GAREM1: variants seen among roughly 807,000 people sequenced by gnomAD.
GAREM1 encodes GRB2 associated regulator of MAPK1 subtype 1, also known as GRB2-associated and regulator of MAPK protein 1.
Under a neutral mutation model 71.3 loss-of-function variants are expected in GAREM1, and 26 were observed. That is an observed-to-expected ratio of 0.36 (90% CI 0.27 to 0.51). The LOEUF (loss-of-function observed/expected upper bound fraction) is 0.51. Among genes scored for constraint, GAREM1 ranks in the 20% least tolerant of loss-of-function variants. The probability of loss-of-function intolerance (pLI) is 0.95; values close to 1 mark genes in which losing one functional copy is unlikely to be tolerated. For missense variants in GAREM1, 1,026 were observed against 1,103.1 expected (o/e 0.93, Z 0.99); for synonymous variants, 440 against 433.2 (o/e 1.02, Z -0.20).
intron 2 of GAREM1, among the ~76,000 whole-genome samples, chr18:32,342,239 C>T (rs758248091): frequency 3.3e-5 from 5 of 152,044 alleles, no homozygotes; most frequent in African/African-American, 4.8e-5. Flanking sequence ...CTTGAGGTCT[C>T]GAAGCTAAAG....
intron 4 of GAREM1, among the ~76,000 whole-genome samples, chr18:32,276,223 T>TG (rs1240642489): frequency 5.3e-5 from 8 of 152,324 alleles, no homozygotes; most frequent in African/African-American, 1.4e-4. Context: ...AATCTAATAA[T>TG]GGGGGCTTAA....
chr18:32,382,071 TAGTTCTCAGGC>T (rs1173310293), intron 2 of GAREM1, among the ~76,000 whole-genome samples: 1 of 152,156 alleles, frequency 6.6e-6, no homozygotes, highest in Non-Finnish European at 1.5e-5. Flanking sequence ...GTTCTCCAGG[TAGTTCTCAGGC>T]ATCTTTGATG....
chr18:32,453,575 T>G (rs181000663), intron 1 of GAREM1, among the ~76,000 whole-genome samples: 239 of 152,250 alleles, frequency 1.6e-3, no homozygotes, highest in African/African-American at 5.2e-3. Flanking sequence ...ATCGTTACCC[T>G]GCCTCCTTTT....
At chr18:32,284,366 T>A (rs1398236893) in intron 4 of GAREM1, among the ~76,000 whole-genome samples, 1 of 151,600 alleles carries the variant, frequency 6.6e-6, no homozygotes, top group Non-Finnish European at 1.5e-5. Flanking sequence ...GGAGGCCAAA[T>A]TTTTTTTTCT....
At chr18:32,427,547 A>G (rs7243539) in intron 1 of GAREM1, among the ~76,000 whole-genome samples, 37,493 of 152,042 alleles carry the variant, frequency 0.25, 5,722 homozygotes, top group African/African-American at 0.42. Context: ...CACTATCAGA[A>G]GCATCGACAG....
chr18:32,349,666 C>T (rs1319792787), intron 2 of GAREM1, among the ~76,000 whole-genome samples: 1 of 152,102 alleles, frequency 6.6e-6, no homozygotes, highest in Admixed American at 6.5e-5. Context: ...AATAAAATTC[C>T]AATTTGTTAA....
chr18:32,341,658 T>G (rs897741984), intron 2 of GAREM1, among the ~76,000 whole-genome samples: 1 of 152,318 alleles, frequency 6.6e-6, no homozygotes, highest in South Asian at 2.1e-4. Flanking sequence ...AGTTTCTTTC[T>G]TTAATATGGC....
intron 1 of GAREM1, among the ~76,000 whole-genome samples, chr18:32,416,066 C>A (rs1338755699): frequency 1.3e-5 from 2 of 152,088 alleles, no homozygotes; most frequent in African/African-American, 4.8e-5. Context: ...AATGGCATTT[C>A]TATATGCCAA....
chr18:32,326,872 T>G (rs1211399247), intron 2 of GAREM1, among the ~76,000 whole-genome samples: 1 of 152,216 alleles, frequency 6.6e-6, no homozygotes, highest in African/African-American at 2.4e-5. Context: ...GGATGGTTGC[T>G]CAGTAAAATA....
At chr18:32,378,057 T>TGTGTGTGTGTGTGTGTGTGTGA (rs1293817110) in intron 2 of GAREM1, among the ~76,000 whole-genome samples, 1 of 127,526 alleles carries the variant, frequency 7.8e-6, no homozygotes, top group East Asian at 2.3e-4. Flanking sequence ...TGTGTGTGTG[T>TGTGTGTGTGTGTGTGTGTGTGA]GCGCGCGGGC....
At chr18:32,354,373 T>A (rs1321233904) in intron 2 of GAREM1, among the ~76,000 whole-genome samples, 1 of 152,108 alleles carries the variant, frequency 6.6e-6, no homozygotes, top group Non-Finnish European at 1.5e-5. Context: ...CATAGGTCAA[T>A]AAATCTTTGT....
intron 1 of GAREM1, among the ~76,000 whole-genome samples, chr18:32,446,882 A>C (rs1308334441): frequency 6.6e-6 from 1 of 152,206 alleles, no homozygotes; most frequent in East Asian, 1.9e-4. Flanking sequence ...TGCAGAGTGG[A>C]AACAGAAAAA....
chr18:32,270,576 T>C (rs974833323), intron 4 of GAREM1, among the ~76,000 whole-genome samples, 193 bp from the exon 5 acceptor site: 3 of 152,194 alleles, frequency 2.0e-5, no homozygotes, highest in Admixed American at 6.5e-5. Context: ...CAGGCGCCTG[T>C]CACACACTTG....
At chr18:32,280,593 A>C (rs1168027195) in intron 4 of GAREM1, among the ~76,000 whole-genome samples, 1 of 152,220 alleles carries the variant, frequency 6.6e-6, no homozygotes, top group Non-Finnish European at 1.5e-5. Flanking sequence ...CAGGGTGCCA[A>C]GCATTTCTGG....
At chr18:32,296,835 C>T (rs2047145878) in intron 3 of GAREM1, among the ~76,000 whole-genome samples, 2 of 151,898 alleles carry the variant, frequency 1.3e-5, no homozygotes, top group South Asian at 4.1e-4. Context: ...GCTGCTCTGT[C>T]TGGGTCCTGG....
At chr18:32,290,245 T>A (rs1027038818) in intron 3 of GAREM1, 1 of 152,136 alleles carries the variant, frequency 6.6e-6, no homozygotes, top group Non-Finnish European at 1.5e-5. Flanking sequence ...TGTTTTTGTG[T>A]CTTCATCTTA....
Position 32,437,568 on chromosome 18 carries a change from T to C in GAREM1, c.121+32740A>G, listed in dbSNP as rs563463261. Among the ~76,000 whole-genome samples the C allele has an allele frequency of 6.6e-4, 100 of 151,816 alleles. 2 individuals carry two copies. The South Asian group carries it at 0.02, about 31-fold the overall frequency. On this transcript the variant is annotated intron_variant, in intron 1 of 5. Coordinates refer to ENST00000269209, the MANE Select transcript of GAREM1 (RefSeq NM_001242409.2). ...GAGGGGTTAAAGGTAAAGAAGAAAA[T>C]GAGCAGCAGGGACAATGAACAGCAA... is the stretch of plus-strand genomic sequence containing the variant.
At chr18:32,326,582 G>A (rs2047476811) in intron 2 of GAREM1, among the ~76,000 whole-genome samples, 1 of 152,186 alleles carries the variant, frequency 6.6e-6, no homozygotes, top group Admixed American at 6.5e-5. Flanking sequence ...CTTAATGAAT[G>A]AGTATGCTTT....
At chr18:32,416,432 A>C (rs1357675505) in intron 1 of GAREM1, among the ~76,000 whole-genome samples, 1 of 152,130 alleles carries the variant, frequency 6.6e-6, no homozygotes, top group Non-Finnish European at 1.5e-5. Context: ...GCAAAAGAAC[A>C]AACTGGAGGC....
Sources: allele counts gnomAD v4.1 joint callset (sites outside exome capture counted in the v4.1 genomes callset), GRCh38; gene constraint gnomAD v4.1.1; transcripts MANE v1.5; gene names NCBI Gene and HGNC (gene_info 2026-07-23, HGNC 2026-07-21).